Variants in IDUA observed in about 807,000 individuals in gnomAD.
The protein encoded by IDUA is alpha-L-iduronidase, also known as iduronidase alpha-L-.
IDUA carries 65 observed loss-of-function variants against 68.9 expected under a neutral mutation model. The ratio of observed to expected loss-of-function variants is 0.94; its 90% CI spans 0.77 to 1.16. IDUA has a LOEUF of 1.16. Ranked by LOEUF, IDUA falls within the 50% of genes most tolerant of loss-of-function variation. The probability of loss-of-function intolerance (pLI) is 0.00; values close to 1 mark genes in which losing one functional copy is unlikely to be tolerated. For missense variants in IDUA, 1,046 were observed against 938.0 expected (o/e 1.12, Z -1.50); for synonymous variants, 529 against 433.6 (o/e 1.22, Z -2.73).
chr4:999,518 C>A (rs1402563854), intron 2 of IDUA, among the ~76,000 whole-genome samples: 1 of 152,244 alleles, frequency 6.6e-6, no homozygotes, highest in African/African-American at 2.4e-5. Flanking sequence ...CAGAGAGGTC[C>A]CTCGCTGACC....
intron 8 of IDUA, 57 bp downstream of exon 8, chr4:1,002,542 C>T: frequency 7.2e-7 from 1 of 1,383,104 alleles, no homozygotes; most frequent in Non-Finnish European, 9.4e-7. Context: ...GGGAGCGGCT[C>T]CTGCGAAGGC....
rs765881732 is a variant in IDUA, at chr4:989,239, C to G, written c.299+1290C>G. 4 of 1,612,510 alleles carry G rather than the reference C, an allele frequency of 2.5e-6. No individual in the cohort carries two copies. The Admixed American group carries it at 6.7e-5, about 27-fold the overall frequency. ...CTCCTTCCTCCTGGCAGCCATGCAC[C>G]CTGCGTCCAGCCCCGTGAGGCTGTA... On this transcript the variant is annotated intron_variant, in intron 2 of 13. Coordinates refer to ENST00000514224, the MANE Select transcript of IDUA (RefSeq NM_000203.5).
chr4:994,453 T>TAG (rs1368962183), intron 2 of IDUA, among the ~76,000 whole-genome samples: 7 of 151,706 alleles, frequency 4.6e-5, no homozygotes, highest in African/African-American at 7.3e-5. Context: ...TTTTTTTTTT[T>TAG]TTGAGACGGA....
intron 2 of IDUA, among the ~76,000 whole-genome samples, chr4:998,138 G>A (rs532886912): frequency 6.6e-6 from 1 of 152,190 alleles, no homozygotes; most frequent in South Asian, 2.1e-4. Context: ...AGAGGTGGTA[G>A]GGGCCGGGTG....
At chr4:991,323 G>T in intron 2 of IDUA, 1 of 1,612,866 alleles carries the variant, frequency 6.2e-7, no homozygotes, top group Non-Finnish European at 8.5e-7. Context: ...GGCAAAGCAG[G>T]CTGAAGATGC....
chr4:1,002,327 C>G lies in IDUA; in HGVS notation c.1031C>G (p.Ala344Gly), dbSNP rs202191662. The change falls in exon 8 of 14, where the codon GCG (alanine) becomes GGG (glycine). Residue 344 changes from alanine to glycine, a missense_variant. Transcript: ENST00000514224. The part of the protein sequence containing the change: ...LANTTSAFPY[A>G]LLSNDNAFLS... ...AACACCACCTCCGCCTTCCCCTACGCGCTCCTGAGCAACGACAATGCCTTC... is the reference window on the plus strand; with the variant it reads ...AACACCACCTCCGCCTTCCCCTACGGGCTCCTGAGCAACGACAATGCCTTC... The G allele has an allele frequency of 1.7e-4, 274 of 1,613,230 alleles. 1 individual carries two copies. In the East Asian group the frequency reaches 5.6e-3, roughly 33 times the overall value.
chr4:988,678 C>A lies in IDUA; in HGVS notation c.299+729C>A. On this transcript the variant is annotated intron_variant, in intron 2 of 13. Coordinates refer to ENST00000514224, the MANE Select transcript of IDUA (RefSeq NM_000203.5). Reference sequence around the variant, plus strand: ...TGCGTGTGATCAGAGGGCCTCCTTTCCCAGTTGGGGTTCCCCGGTTTCCCC... The same window carrying A: ...TGCGTGTGATCAGAGGGCCTCCTTTACCAGTTGGGGTTCCCCGGTTTCCCC... 2.8e-6 allele frequency: 4 copies of A among 1,414,490 alleles called. No homozygotes were observed. The South Asian group carries it at 6.3e-5, about 22-fold the overall frequency. 87.6% of individuals were successfully genotyped at this position (1,414,490 alleles called of 1,614,324 possible).
chr4:1,002,167 C>A lies in IDUA; in HGVS notation c.972+6C>A. The A allele has an allele frequency of 6.4e-7, 1 of 1,555,712 alleles. No homozygotes were observed. The highest frequency in any genetic ancestry group is 1.2e-5 in the South Asian group (1 of 84,582). On this transcript the variant is annotated splice_donor_region_variant and intron_variant, in intron 7 of 13. Transcript: ENST00000514224. Reference sequence around the variant, plus strand: ...ACGCGGCCATGGTGGTGAAGGTGGGCCGGCCCAACGCCCTGCGCGCCCCCC... The same window carrying A: ...ACGCGGCCATGGTGGTGAAGGTGGGACGGCCCAACGCCCTGCGCGCCCCCC...
rs1484510282 is a variant in IDUA at position 1,003,078 on chromosome 4, G to C, written c.1445G>C (p.Ser482Thr). The C allele has an allele frequency of 2.0e-6, 3 of 1,521,790 alleles. No individual in the cohort carries two copies. In the South Asian group the frequency reaches 3.7e-5, roughly 19 times the overall value. The allele number at this position is 1,521,790 out of a possible 1,614,324, so 94.3% of individuals were successfully genotyped here. ...CGCTACCTGGACAACGGGCTCTGCA[G>C]CCCCGACGGCGAGTGGCGGCGCCTG... ...VTRYLDNGLC[S>T]PDGEWRRLGR... Residue 482 changes from serine (S) to threonine (T), a missense_variant, in exon 10 of 14, where the codon AGC becomes ACC. Ser to Thr is a moderately conservative substitution (Grantham distance 58). Transcript: ENST00000514224.
In IDUA at chr4:991,632, GGGTGCTGGGCGCTGCCGTCGGACC is replaced by G. The variant is rs1714347111; in HGVS notation, c.299+3686_299+3709del. The G allele has an allele frequency of 4.4e-6, 7 of 1,574,230 alleles. No homozygotes were observed. The highest frequency in any genetic ancestry group is 6.0e-6 in the Non-Finnish European group (7 of 1,166,512). On this transcript the variant is annotated intron_variant, in intron 2 of 13. Transcript: ENST00000514224. ...CCTTCAGCATCTCACGCAGACCCCG[GGGTGCTGGGCGCTGCCGTCGGACC>G]GGCACCGGCCCTCTGCCCTGCTGCA...
rs759500632 is a variant in IDUA, at chr4:1,001,000, G to A, written c.493+11G>A. 76 of 1,591,516 alleles carry A rather than the reference G, an allele frequency of 4.8e-5. No individual in the cohort carries two copies. In the Middle Eastern group the frequency reaches 6.6e-4, roughly 14 times the overall value. On this transcript the variant is annotated intron_variant, in intron 4 of 13. Transcript: ENST00000514224. ...CCAGGAGATACATCGGTGGGCGAGC[G>A]CAGGCCCTGGGGCCCTGGCCGGGGC...
chr4:989,728 ACCAGGCTCTTGG>A, intron 2 of IDUA: 2 of 1,558,006 alleles, frequency 1.3e-6, no homozygotes, highest in Non-Finnish European at 1.7e-6. Flanking sequence ...GGCTGTCTTC[ACCAGGCTCTTGG>A]CCAGGGCGGC....
chr4:998,309 A>G (rs1337625798), intron 2 of IDUA, among the ~76,000 whole-genome samples: 3 of 152,198 alleles, frequency 2.0e-5, no homozygotes, highest in Non-Finnish European at 4.4e-5. Flanking sequence ...TGGGAGGACC[A>G]GAAGGGAGGC....
At chr4:987,337 T>C in intron 1 of IDUA, 95 bp downstream of exon 1, 2 of 1,223,386 alleles carry the variant, frequency 1.6e-6, no homozygotes, top group Non-Finnish European at 1.1e-6. Flanking sequence ...AGACCGGAGC[T>C]CCCTCCTCTG....
At chr4:990,874 G>A (rs1714236135) in intron 2 of IDUA, 2 of 501,454 alleles carry the variant, frequency 4.0e-6, no homozygotes, top group Admixed American at 3.7e-5. Flanking sequence ...CACCTGGCCT[G>A]CTGGTCCCCA....
chr4:991,874 C>A, intron 2 of IDUA: 1 of 1,458,474 alleles, frequency 6.9e-7, no homozygotes, highest in Non-Finnish European at 9.3e-7. Flanking sequence ...CCTGGCAGCG[C>A]GGGCCCCAGC....
chr4:1,002,727 C>G lies in IDUA; in HGVS notation c.1190-5C>G. ...ACGCGGCGACGGCCCCCCCCCGCCC[C>G]GCAGATGAGGAGCAGCTCTGGGCCG... On this transcript the variant is annotated splice_region_variant and splice_polypyrimidine_tract_variant and intron_variant, in intron 8 of 13. Transcript: ENST00000514224. 1 of 1,479,364 alleles carries G rather than the reference C, an allele frequency of 6.8e-7. No individual in the cohort carries two copies. The allele number at this position is 1,479,364 out of a possible 1,614,324, so 91.6% of individuals were successfully genotyped here.
intron 2 of IDUA, chr4:991,776 G>A: frequency 6.5e-7 from 1 of 1,529,426 alleles, no homozygotes; most frequent in South Asian, 1.2e-5. Flanking sequence ...CCGGATCCAG[G>A]GCCAAACGAC....
rs1340421020 is a variant in IDUA at position 1,002,752 on chromosome 4, G to C, written c.1210G>C (p.Glu404Gln). The C allele has an allele frequency of 2.0e-6, 3 of 1,483,042 alleles. No homozygotes were observed. The highest frequency in any genetic ancestry group is 2.9e-5 in the African/African-American group (2 of 67,920). The allele number at this position is 1,483,042 out of a possible 1,614,324, so 91.9% of individuals were successfully genotyped here. ...ALLDEEQLWA[E>Q]VSQAGTVLDS... ...CGCAGATGAGGAGCAGCTCTGGGCC[G>C]AAGTGTCGCAGGCCGGGACCGTCCT... The change falls in exon 9 of 14, where the codon GAA becomes CAA. Residue 404 changes from glutamate (E) to glutamine (Q), a missense_variant. Transcript: ENST00000514224.
Sources: gnomAD v4.1 joint callset for allele counts (sites outside exome capture counted in the v4.1 genomes callset) on GRCh38, gnomAD v4.1.1 for gene constraint, MANE v1.5 for transcripts, NCBI Gene and HGNC (gene_info 2026-07-23, HGNC 2026-07-21) for gene names.